The following SCN7A variants were observed in gnomAD, a reference collection of about 807,000 sequenced individuals.
SCN7A encodes sodium channel protein type 7 subunit alpha.
A neutral mutation model predicts 155.2 loss-of-function variants in SCN7A; 138 were observed. The ratio of observed to expected loss-of-function variants is 0.89; its 90% CI spans 0.77 to 1.02. SCN7A has a LOEUF of 1.02. Among genes scored for constraint, SCN7A ranks in the 50% least tolerant of loss-of-function variants. SCN7A has a pLI of 0.00. For synonymous variants in SCN7A, 693 were observed against 649.0 expected (o/e 1.07, Z -1.03); for missense variants, 2,058 against 1,986.6 (o/e 1.04, Z -0.68).
At position 166,444,916 on chromosome 2, in the gene SCN7A, C is replaced by T. The variant is rs1348619597; in HGVS notation, c.1472G>A (p.Trp491Ter). The T allele has an allele frequency of 6.2e-7, 1 of 1,613,354 alleles. No homozygotes were observed. Among genetic ancestry groups the T allele is most frequent in the South Asian group, 1.1e-5 (1 of 91,056 alleles). The change falls in exon 13 of 26, where the codon TGG becomes TAG. Residue 491 changes from tryptophan (W) to a stop codon, truncating the protein, a stop_gained. Coordinates refer to ENST00000643258, the MANE Select transcript of SCN7A (RefSeq NM_002976.4). LOFTEE classifies it high-confidence loss of function. The part of the protein sequence containing the change: ...TFLIWNCSPC[W>*]LKLKEFVHRI... ...ATGGACAAACTCTTTCAATTTTAAC[C>T]AACAGGGAGAACAATTCCAGATCAA...
In SCN7A at chr2:166,462,517, C is replaced by G; in HGVS notation, c.955G>C (p.Gly319Arg). 2 of 1,613,766 alleles carry G rather than the reference C, an allele frequency of 1.2e-6. No homozygotes were observed. Among genetic ancestry groups the G allele is most frequent in the African/African-American group, 1.3e-5 (1 of 75,042 alleles). ...ATGCCAGCTTTTACACACACATATC[C>G]TTCAGGACACTGACTAAAGAAGACA... is the stretch of plus-strand genomic sequence containing the variant. ...NRTDAGQCPE[G>R]YVCVKAGINP... Residue 319 changes from glycine to arginine, a missense_variant, in exon 10 of 26, where the codon GGA becomes CGA. By Grantham distance (125) the Gly-to-Arg change is moderately radical (BLOSUM62 -2). Transcript: ENST00000643258.
intron 17 of SCN7A, 33 bp downstream of exon 17, chr2:166,429,136 A>T: frequency 8.3e-7 from 1 of 1,211,676 alleles, no homozygotes; most frequent in Non-Finnish European, 1.2e-6. Flanking sequence ...AATTCAAATT[A>T]GTTTCCTAGC....
At position 166,432,680 on chromosome 2, in the gene SCN7A, C is replaced by A; in HGVS notation, c.2230G>T (p.Glu744Ter). 2 of 1,603,760 alleles carry A rather than the reference C, an allele frequency of 1.2e-6. No individual in the cohort carries two copies. The highest frequency in any genetic ancestry group is 2.3e-5 in the South Asian group (2 of 88,700). Residue 744 changes from glutamate (E) to a stop codon, truncating the protein, a stop_gained, in exon 16 of 26, where the codon GAA becomes TAA. Transcript: ENST00000643258. LOFTEE classifies it high-confidence loss of function. The part of the protein sequence containing the change: ...CKDVTAEENN[E>*]AKNLQLAVAR... ...ACTGCAAGCTGGAGATTTTTTGCTT[C>A]ATTATTCTCTTCAGCTGTTACATCC...
rs1246586615 is a variant in SCN7A at position 166,423,366 on chromosome 2, T to A, written c.2920A>T (p.Ile974Phe). The change falls in exon 19 of 26, where the codon ATC (isoleucine) becomes TTC (phenylalanine). Residue 974 changes from isoleucine to phenylalanine, a missense_variant. Physicochemically the swap from Ile to Phe is conservative, Grantham distance 21 (BLOSUM62 0). Coordinates refer to ENST00000643258, the MANE Select transcript of SCN7A (RefSeq NM_002976.4). ...IKILLEYADM[I>F]FTYIFILEML... ...TCCAGAATGAAGATATAAGTAAAGA[T>A]CATGTCAGCATATTCTAATAAAATT... The A allele has an allele frequency of 2.5e-6, 4 of 1,611,352 alleles. No homozygotes were observed. Among genetic ancestry groups the A allele is most frequent in the Non-Finnish European group, 3.4e-6 (4 of 1,178,756 alleles).
At chr2:166,409,134 T>A (rs543176120) in intron 25 of SCN7A, among the ~76,000 whole-genome samples, 22 of 152,164 alleles carry the variant, frequency 1.4e-4, no homozygotes, top group South Asian at 1.0e-3. Context: ...TACTACTGAA[T>A]TTTTTGCATA....
intron 20 of SCN7A, among the ~76,000 whole-genome samples, chr2:166,420,517 A>G (rs952420716): frequency 3.3e-5 from 5 of 151,850 alleles, no homozygotes; most frequent in Admixed American, 1.3e-4. Flanking sequence ...GTGGTCACAG[A>G]CTCCATTTTT....
chr2:166,454,084 T>A (rs1702229564), intron 11 of SCN7A, among the ~76,000 whole-genome samples: 1 of 152,150 alleles, frequency 6.6e-6, no homozygotes, highest in Non-Finnish European at 1.5e-5. Flanking sequence ...AAGTTCTTCA[T>A]AAGAAGAGTT....
At chr2:166,439,041 A>ATGTGTGTG (rs201282077) in intron 15 of SCN7A, among the ~76,000 whole-genome samples, 3,773 of 122,748 alleles carry the variant, frequency 0.031, 116 homozygotes, top group Middle Eastern at 0.082. Context: ...ACATACATAT[A>ATGTGTGTG]TGTGTGTGTG....
intron 7 of SCN7A, among the ~76,000 whole-genome samples, chr2:166,467,394 AT>A (rs1294309067): frequency 1.3e-5 from 2 of 151,394 alleles, no homozygotes; most frequent in African/African-American, 4.8e-5. Flanking sequence ...AATTTTTTTC[AT>A]ATTGTTTTGT....
chr2:166,464,722 G>A (rs951383132), intron 9 of SCN7A, among the ~76,000 whole-genome samples: 1 of 152,020 alleles, frequency 6.6e-6, no homozygotes, highest in African/African-American at 2.4e-5. Flanking sequence ...GAGCTATCGC[G>A]GCTCCCATCA....
chr2:166,474,102 C>T, intron 4 of SCN7A, 124 bp downstream of exon 4: 1 of 539,554 alleles, frequency 1.9e-6, no homozygotes, highest in East Asian at 3.1e-5. Flanking sequence ...ATCTAGATTT[C>T]AATATGACCC....
intron 11 of SCN7A, among the ~76,000 whole-genome samples, chr2:166,448,923 A>G (rs1702121670): frequency 6.6e-6 from 1 of 152,246 alleles, no homozygotes; most frequent in South Asian, 2.1e-4. Context: ...TTGAAGAATA[A>G]CAAGTAATGG....
At chr2:166,488,520 A>C (rs942889092) in intron 1 of SCN7A, among the ~76,000 whole-genome samples, 1 of 152,198 alleles carries the variant, frequency 6.6e-6, no homozygotes, top group Non-Finnish European at 1.5e-5. Context: ...ATTCATCTCA[A>C]TGAATATGAC....
At chr2:166,462,655 C>T in intron 9 of SCN7A, 125 bp from the exon 10 acceptor site, 1 of 774,078 alleles carries the variant, frequency 1.3e-6, no homozygotes. Context: ...AGAGTAATGT[C>T]TGCTCCCAAA....
At chr2:166,476,819 C>G (rs926475012) in intron 3 of SCN7A, among the ~76,000 whole-genome samples, 1 of 151,988 alleles carries the variant, frequency 6.6e-6, no homozygotes, top group Non-Finnish European at 1.5e-5. Flanking sequence ...TCTTCTCTTT[C>G]CCTTATTAAA....
At position 166,456,872 on chromosome 2, in the gene SCN7A, C is replaced by T. The variant is rs769300641; in HGVS notation, c.1288G>A (p.Glu430Lys). The T allele has an allele frequency of 1.9e-5, 29 of 1,494,656 alleles. No individual in the cohort carries two copies. The highest frequency in any genetic ancestry group is 2.6e-5 in the Non-Finnish European group (29 of 1,099,290). 92.6% of individuals were successfully genotyped at this position (1,494,656 alleles called of 1,614,324 possible). A position where few individuals can be genotyped will look rare whatever the true frequency, so the allele number is the denominator to read the frequency against. ...KELQEGNETDEAKTIQIEMKK... is the reference protein window; with the variant it reads ...KELQEGNETDKAKTIQIEMKK... ...GATAGATAGATAGATATAGATACCT[C>T]ATCTGTTTCATTTCCTTCTTGAAGT... The change falls in exon 11 of 26, where the codon GAG becomes AAG. Residue 430 changes from glutamate (E) to lysine (K), a missense_variant and splice_region_variant. Transcript: ENST00000643258.
At chr2:166,443,789 C>T in intron 13 of SCN7A, 113 bp from the exon 14 acceptor site, 1 of 741,918 alleles carries the variant, frequency 1.3e-6, no homozygotes, top group South Asian at 2.0e-5. Context: ...ACATTCTTCA[C>T]AGCTTCTCTG....
Position 166,404,575 on chromosome 2 carries a change from G to C in SCN7A, c.*1005C>G, listed in dbSNP as rs1701024975. The stretch of plus-strand genomic sequence containing the variant: ...ATACAGTAAAAAGTACTTTAAAGTT[G>C]CCACAACTTTCCAATTAAGGGCCAA... On this transcript the variant is annotated 3_prime_UTR_variant, in exon 26 of 26. Coordinates refer to ENST00000643258, the MANE Select transcript of SCN7A (RefSeq NM_002976.4). 1 of 151,582 alleles carries C rather than the reference G, an allele frequency of 6.6e-6. No individual in the cohort carries two copies. The highest frequency in any genetic ancestry group is 2.4e-5 in the African/African-American group (1 of 41,304). 9.4% of individuals were successfully genotyped at this position (151,582 alleles called of 1,614,324 possible).
At chr2:166,488,942 G>A (rs910115544) in intron 1 of SCN7A, among the ~76,000 whole-genome samples, 2 of 152,088 alleles carry the variant, frequency 1.3e-5, no homozygotes, top group African/African-American at 4.8e-5. Flanking sequence ...CCGACCAACA[G>A]TCTCTTAAAT....
Sources: allele counts gnomAD v4.1 joint callset (sites outside exome capture counted in the v4.1 genomes callset), GRCh38; gene constraint gnomAD v4.1.1; transcripts MANE v1.5; gene names NCBI Gene and HGNC (gene_info 2026-07-23, HGNC 2026-07-21).